Variants in SLC24A3 observed in about 807,000 individuals in gnomAD.
SLC24A3 encodes sodium/potassium/calcium exchanger 3.
SLC24A3 carries 28 observed loss-of-function variants against 75.8 expected under a neutral mutation model. The ratio of observed to expected loss-of-function variants is 0.37; its 90% confidence interval spans 0.27 to 0.51. The LOEUF (loss-of-function observed/expected upper bound fraction) is 0.51, where lower values mean the gene tolerates loss of function less well. Among genes scored for constraint, SLC24A3 ranks in the 20% least tolerant of loss-of-function variants. The probability of loss-of-function intolerance (pLI) is 0.94; values close to 1 mark genes in which losing one functional copy is unlikely to be tolerated. For missense variants in SLC24A3, 663 were observed against 847.8 expected, an observed-to-expected ratio of 0.78 and a Z score of 2.71; for synonymous variants, 372 against 334.1, an observed-to-expected ratio of 1.11 and a Z score of -1.24.
intron 2 of SLC24A3, among the ~76,000 whole-genome samples, chr20:19,388,271 G>A (rs571201835): frequency 6.6e-6 from 1 of 152,140 alleles, no homozygotes; most frequent in South Asian, 2.1e-4. Flanking sequence ...CATATATTTA[G>A]GTGTTCTGGT....
chr20:19,343,645 G>T (rs1417681076), intron 2 of SLC24A3, among the ~76,000 whole-genome samples: 2 of 152,162 alleles, frequency 1.3e-5, no homozygotes, highest in Admixed American at 6.5e-5. Context: ...TGCAGACAGA[G>T]GGAAGACAGG....
chr20:19,666,750 G>A (rs938177451), intron 8 of SLC24A3, among the ~76,000 whole-genome samples: 1 of 152,132 alleles, frequency 6.6e-6, no homozygotes, highest in African/African-American at 2.4e-5. Flanking sequence ...TTGGGAGGCC[G>A]AGGTGGGCGG....
At chr20:19,408,287 A>AT (rs202228844) in intron 2 of SLC24A3, among the ~76,000 whole-genome samples, 5 of 151,638 alleles carry the variant, frequency 3.3e-5, no homozygotes, top group Admixed American at 6.6e-5. Context: ...TTCTATAAAC[A>AT]TTTTTTTTAA....
intron 2 of SLC24A3, among the ~76,000 whole-genome samples, chr20:19,503,677 C>T (rs1988419796): frequency 6.6e-6 from 1 of 152,216 alleles, no homozygotes; most frequent in South Asian, 2.1e-4. Flanking sequence ...GTAAGCACAG[C>T]TCTTATTTTT....
chr20:19,523,720 C>G (rs1163791957), intron 3 of SLC24A3, among the ~76,000 whole-genome samples: 1 of 152,182 alleles, frequency 6.6e-6, no homozygotes, highest in African/African-American at 2.4e-5. Flanking sequence ...CCTTCTTGAG[C>G]CTCAGTTTCC....
At chr20:19,666,301 T>A (rs2032398603) in intron 8 of SLC24A3, among the ~76,000 whole-genome samples, 1 of 151,312 alleles carries the variant, frequency 6.6e-6, no homozygotes, top group Admixed American at 6.6e-5. Context: ...GGTCAGGAGA[T>A]CGAGACCATC....
At chr20:19,387,126 T>C (rs1025635935) in intron 2 of SLC24A3, among the ~76,000 whole-genome samples, 2 of 152,166 alleles carry the variant, frequency 1.3e-5, no homozygotes. Flanking sequence ...TCCAATTTGT[T>C]GTTACATAAT....
Position 19,457,058 on chromosome 20 carries a change from GA to G in SLC24A3, c.272-58425del, listed in dbSNP as rs771230744. ...CGTGAGCTATCTGATGCTATAAAAA[GA>G]AAAACTGCAAAGGGCATCCAGAAAA... On this transcript the variant is annotated intron_variant, in intron 2 of 16. Coordinates refer to ENST00000328041, the MANE Select transcript of SLC24A3 (RefSeq NM_020689.4). 4.6e-5 allele frequency among the ~76,000 whole-genome samples: 7 copies of G among 152,154 alleles called. No individual in the cohort carries two copies. The East Asian group carries it at 1.3e-3, about 29-fold the overall frequency.
At position 19,371,169 on chromosome 20, in the gene SLC24A3, A is replaced by G. The variant is rs946192301; in HGVS notation, c.271+90082A>G. On this transcript the variant is annotated intron_variant, in intron 2 of 16. Transcript: ENST00000328041. ...TCCATGGGATTCTGGAAAGCAGTGT[A>G]GAACAGGCACCTCAGCATTTCCTCC... Among the ~76,000 whole-genome samples the G allele has an allele frequency of 5.9e-5, 9 of 152,176 alleles. 1 individual carries two copies. Among genetic ancestry groups the G allele is most frequent in the African/African-American group, 2.2e-4 (9 of 41,444 alleles).
At chr20:19,369,702 CA>C (rs1449854206) in intron 2 of SLC24A3, among the ~76,000 whole-genome samples, 1 of 151,954 alleles carries the variant, frequency 6.6e-6, no homozygotes, top group Non-Finnish European at 1.5e-5. Context: ...TTGATAATTT[CA>C]CAGTGATTAT....
At chr20:19,452,797 T>A (rs1484404969) in intron 2 of SLC24A3, among the ~76,000 whole-genome samples, 2 of 152,022 alleles carry the variant, frequency 1.3e-5, no homozygotes, top group African/African-American at 2.4e-5. Context: ...GGAGGATCAG[T>A]TGAGGCCAGG....
intron 2 of SLC24A3, among the ~76,000 whole-genome samples, chr20:19,316,837 C>T (rs1984599176): frequency 6.6e-6 from 1 of 151,974 alleles, no homozygotes; most frequent in African/African-American, 2.4e-5. Context: ...TAAAAATTTC[C>T]TACTTTTATT....
At chr20:19,311,470 T>C (rs1198390635) in intron 2 of SLC24A3, among the ~76,000 whole-genome samples, 1 of 152,120 alleles carries the variant, frequency 6.6e-6, no homozygotes, top group African/African-American at 2.4e-5. Context: ...AGGGATCACA[T>C]GCGGAAGGTA....
At chr20:19,313,478 T>C (rs943503868) in intron 2 of SLC24A3, among the ~76,000 whole-genome samples, 1 of 152,160 alleles carries the variant, frequency 6.6e-6, no homozygotes, top group African/African-American at 2.4e-5. Context: ...TCCTCCCCTG[T>C]TTGCTCTGGG....
chr20:19,567,882 A>G (rs1326669427), intron 3 of SLC24A3, among the ~76,000 whole-genome samples: 1 of 152,230 alleles, frequency 6.6e-6, no homozygotes, highest in African/African-American at 2.4e-5. Context: ...CAAATCGTAT[A>G]TCTGATAAGG....
intron 3 of SLC24A3, among the ~76,000 whole-genome samples, chr20:19,525,402 CTATGGGGAGTG>C (rs2030180153): frequency 6.6e-6 from 1 of 152,100 alleles, no homozygotes; most frequent in Non-Finnish European, 1.5e-5. Flanking sequence ...AGGAAGTCCA[CTATGGGGAGTG>C]AGGTAGAGAA....
chr20:19,408,720 GC>G lies in SLC24A3; in HGVS notation c.272-106766del, dbSNP rs566262096. 8.6e-3 allele frequency among the ~76,000 whole-genome samples: 1,315 copies of G among 152,248 alleles called. 20 individuals carry two copies. The highest frequency in any genetic ancestry group is 0.03 in the African/African-American group (1,244 of 41,538). On this transcript the variant is annotated intron_variant, in intron 2 of 16. Transcript: ENST00000328041. ...ATACTGTTCTGATGACCATCCTTGT[GC>G]CAAAATTGGTGTCTCCATTTTTGTC...
chr20:19,241,433 A>T (rs974775657), intron 1 of SLC24A3, among the ~76,000 whole-genome samples: 1 of 152,120 alleles, frequency 6.6e-6, no homozygotes, highest in South Asian at 2.1e-4. Flanking sequence ...TGCTTTTCTC[A>T]GGATGGCCTG....
intron 3 of SLC24A3, among the ~76,000 whole-genome samples, chr20:19,538,768 C>T (rs139591437): frequency 1.3e-5 from 2 of 152,232 alleles, no homozygotes; most frequent in South Asian, 2.1e-4. Flanking sequence ...CACTACTCCC[C>T]GAATCAACAG....
Sources: gnomAD v4.1 joint callset for allele counts (sites outside exome capture counted in the v4.1 genomes callset) on GRCh38, gnomAD v4.1.1 for gene constraint, MANE v1.5 for transcripts, NCBI Gene and HGNC (gene_info 2026-07-23, HGNC 2026-07-21) for gene names.